Variants in WDR64 observed in about 807,000 individuals in gnomAD.
The protein encoded by WDR64 is WD repeat domain 64, also known as WD repeat-containing protein 64.
A neutral mutation model predicts 139.3 loss-of-function variants in WDR64; 112 were observed. The observed-to-expected ratio is 0.80, with a 90% CI of 0.69 to 0.94. The LOEUF (loss-of-function observed/expected upper bound fraction) is 0.94. Ranked by LOEUF, WDR64 falls within the 40% of genes least tolerant of loss-of-function variation. The pLI, the probability that WDR64 is intolerant of heterozygous loss-of-function variation, is 0.00. For missense variants in WDR64, 1,206 were observed against 1,293.1 expected, an observed-to-expected ratio of 0.93 and a Z score of 1.03; for synonymous variants, 444 against 437.7, an observed-to-expected ratio of 1.01 and a Z score of -0.18.
chr1:241,679,513 A>G lies in WDR64; in HGVS notation c.542A>G (p.Tyr181Cys). The part of the protein sequence containing the change: ...TDTSWITGCD[Y>C]LLQLKRIVAT... ...ACCTCCTGGATTACAGGGTGTGATTACCTCTTGCAGCTGAAACGAATCGTA... is the reference window on the plus strand; with the variant it reads ...ACCTCCTGGATTACAGGGTGTGATTGCCTCTTGCAGCTGAAACGAATCGTA... The change falls in exon 6 of 28, where the codon TAC becomes TGC. Residue 181 changes from tyrosine to cysteine, a missense_variant. Transcript: ENST00000437684. 6.4e-7 allele frequency: 1 copy of G among 1,551,854 alleles called. No homozygotes were observed. Among genetic ancestry groups the G allele is most frequent in the Non-Finnish European group, 8.7e-7 (1 of 1,146,918 alleles).
Position 241,801,294 on chromosome 1 carries a change from G to T in WDR64, c.*79G>T. The stretch of plus-strand genomic sequence containing the variant: ...ACCTGCTCTTTATTTCAGGATGAGA[G>T]GGAGAAACCACCAGACACTATCAGT... On this transcript the variant is annotated 3_prime_UTR_variant, in exon 28 of 28. Transcript: ENST00000437684. The T allele has an allele frequency of 7.9e-7, 1 of 1,258,042 alleles. No individual in the cohort carries two copies. 77.9% of individuals were successfully genotyped at this position (1,258,042 alleles called of 1,614,324 possible). A position where few individuals can be genotyped will look rare whatever the true frequency, so the allele number is the denominator to read the frequency against.
rs1213120727 is a variant in WDR64, at chr1:241,802,461, T to C, written c.*1246T>C. On this transcript the variant is annotated 3_prime_UTR_variant, in exon 28 of 28. Coordinates refer to ENST00000437684, the MANE Select transcript of WDR64 (RefSeq NM_001367482.1). Reference sequence around the variant, plus strand: ...AAGAACTTTCTGGGGTGAATGGTAATGTTATCTTAATAAAGTTTGGGTTAT... The same window carrying C: ...AAGAACTTTCTGGGGTGAATGGTAACGTTATCTTAATAAAGTTTGGGTTAT... 6.6e-6 allele frequency among the ~76,000 whole-genome samples: 1 copy of C among 152,208 alleles called. No individual in the cohort carries two copies. Among genetic ancestry groups the C allele is most frequent in the African/African-American group, 2.4e-5 (1 of 41,466 alleles).
chr1:241,747,351 T>C (rs58832092), intron 13 of WDR64, among the ~76,000 whole-genome samples: 3,129 of 152,326 alleles, frequency 0.021, 103 homozygotes, highest in African/African-American at 0.072. Context: ...GATTTTCTAA[T>C]GTCAATTTGC....
chr1:241,749,024 G>A (rs539061725), intron 13 of WDR64, among the ~76,000 whole-genome samples: 11 of 151,866 alleles, frequency 7.2e-5, no homozygotes, highest in Admixed American at 5.9e-4. Context: ...TTCCTCCCAC[G>A]TAACCAACAA....
chr1:241,755,616 A>G (rs1670158143), intron 14 of WDR64, among the ~76,000 whole-genome samples: 2 of 152,098 alleles, frequency 1.3e-5, no homozygotes, highest in South Asian at 4.1e-4. Context: ...TTGGTGTTTT[A>G]GTCATGAAGT....
Position 241,683,701 on chromosome 1 carries a change from G to T in WDR64, c.839G>T (p.Ser280Ile), listed in dbSNP as rs1227064261. 6.5e-7 allele frequency: 1 copy of T among 1,543,856 alleles called. No homozygotes were observed. Among genetic ancestry groups the T allele is most frequent in the Admixed American group, 2.0e-5 (1 of 50,392 alleles). ...GTCTTAGACTCAAAGAACTTTAAAA[G>T]GTAAGAGTATCATACAGTTAATTTA... ...NQVLDSKNFK[S>I]VKRKLHNDWV... Residue 280 changes from serine (S) to isoleucine (I), a missense_variant and splice_region_variant, in exon 7 of 28, where the codon AGT becomes ATT. Ser to Ile is a moderately radical substitution (Grantham distance 142). Coordinates refer to ENST00000437684, the MANE Select transcript of WDR64 (RefSeq NM_001367482.1).
At chr1:241,771,081 G>A (rs1189760562) in intron 18 of WDR64, among the ~76,000 whole-genome samples, 2 of 151,158 alleles carry the variant, frequency 1.3e-5, no homozygotes, top group Non-Finnish European at 2.9e-5. Context: ...AGCAGGTACT[G>A]TAATGCAGTG....
intron 22 of WDR64, among the ~76,000 whole-genome samples, chr1:241,780,811 C>T (rs114173439): frequency 0.011 from 1,719 of 152,228 alleles, 39 homozygotes; most frequent in African/African-American, 0.039. Flanking sequence ...GAGGGTAAAT[C>T]AGAGAATAGC....
At chr1:241,673,227 GC>G (rs1419546999) in intron 3 of WDR64, among the ~76,000 whole-genome samples, 6 of 152,004 alleles carry the variant, frequency 3.9e-5, no homozygotes, top group Non-Finnish European at 4.4e-5. Flanking sequence ...TACACCTAAT[GC>G]TAAATGACGA....
At chr1:241,730,964 G>A (rs1167697907) in intron 10 of WDR64, among the ~76,000 whole-genome samples, 1 of 152,074 alleles carries the variant, frequency 6.6e-6, no homozygotes. Flanking sequence ...AAAAGGCAAG[G>A]TTGATCTGGT....
Position 241,652,492 on chromosome 1 carries a change from T to C in WDR64, c.8T>C (p.Ile3Thr). ...AAGATCCCCTATGTCCCTATGGATATCAGGAAGGAAAAGCGTCTCAACATG... is the reference window on the plus strand; with the variant it reads ...AAGATCCCCTATGTCCCTATGGATACCAGGAAGGAAAAGCGTCTCAACATG... MD[I>T]RKEKRLNMAL... Residue 3 changes from isoleucine (I) to threonine (T), a missense_variant, in exon 1 of 28, where the codon ATC becomes ACC. Transcript: ENST00000437684. 6.4e-7 allele frequency: 1 copy of C among 1,552,162 alleles called. No individual in the cohort carries two copies. Among genetic ancestry groups the C allele is most frequent in the Non-Finnish European group, 8.7e-7 (1 of 1,147,100 alleles).
At chr1:241,670,001 G>A (rs1173154875) in intron 2 of WDR64, among the ~76,000 whole-genome samples, 3 of 152,018 alleles carry the variant, frequency 2.0e-5, no homozygotes, top group Non-Finnish European at 2.9e-5. Context: ...AGTTCATTTC[G>A]TGCATTCAAC....
intron 8 of WDR64, among the ~76,000 whole-genome samples, chr1:241,692,032 A>T (rs573861994): frequency 1.4e-4 from 22 of 151,912 alleles, no homozygotes; most frequent in East Asian, 5.8e-4. Flanking sequence ...AAAAAATAAA[A>T]AAAAAAAAAA....
chr1:241,711,064 C>A (rs769244218), intron 8 of WDR64, among the ~76,000 whole-genome samples: 2 of 152,128 alleles, frequency 1.3e-5, no homozygotes, highest in Non-Finnish European at 2.9e-5. Context: ...TGGTTAAACA[C>A]TATCTCTGCT....
chr1:241,736,811 A>G (rs1394507472), intron 10 of WDR64, among the ~76,000 whole-genome samples: 4 of 152,356 alleles, frequency 2.6e-5, no homozygotes, highest in African/African-American at 9.6e-5. Flanking sequence ...TGCTGATGTC[A>G]TCATGGCCAT....
intron 15 of WDR64, 46 bp from the exon 16 acceptor site, chr1:241,766,172 A>G (rs1658156950): frequency 3.1e-6 from 5 of 1,588,912 alleles, no homozygotes; most frequent in Non-Finnish European, 4.3e-6. Context: ...TGCACCGCGA[A>G]TCATGAATAC....
At chr1:241,728,166 C>T (rs1668921889) in intron 10 of WDR64, among the ~76,000 whole-genome samples, 1 of 151,756 alleles carries the variant, frequency 6.6e-6, no homozygotes, top group Non-Finnish European at 1.5e-5. Flanking sequence ...AACCCTGTCA[C>T]TACTAAAACT....
At chr1:241,763,261 A>C (rs1658004642) in intron 15 of WDR64, among the ~76,000 whole-genome samples, 1 of 152,254 alleles carries the variant, frequency 6.6e-6, no homozygotes. Flanking sequence ...CTATGGTGAT[A>C]AATTATAAAC....
intron 10 of WDR64, among the ~76,000 whole-genome samples, chr1:241,729,852 T>G (rs1305160258): frequency 4.6e-5 from 5 of 108,738 alleles, no homozygotes; most frequent in Non-Finnish European, 9.6e-5. Context: ...GTTCAAATAC[T>G]TTTCTTGTTT....
Sources: allele counts gnomAD v4.1 joint callset (sites outside exome capture counted in the v4.1 genomes callset), GRCh38; gene constraint gnomAD v4.1.1; transcripts MANE v1.5; gene names NCBI Gene and HGNC (gene_info 2026-07-23, HGNC 2026-07-21).